WDR47: variants seen among roughly 807,000 people sequenced by gnomAD.
WDR47 encodes WD repeat-containing protein 47.
WDR47 carries 32 observed loss-of-function variants against 97.2 expected under a neutral mutation model. The ratio of observed to expected loss-of-function variants is 0.33; its 90% CI spans 0.25 to 0.44. The LOEUF (loss-of-function observed/expected upper bound fraction) is 0.44. Ranked by LOEUF, WDR47 falls within the 20% of genes least tolerant of loss-of-function variation. The pLI is 1.00. For synonymous variants in WDR47, 375 were observed against 373.5 expected, an observed-to-expected ratio of 1.00 and a Z score of -0.05; for missense variants, 782 against 1,102.3, an observed-to-expected ratio of 0.71 and a Z score of 4.11.
At chr1:108,991,794 C>G (rs1476284124) in intron 8 of WDR47, among the ~76,000 whole-genome samples, 1 of 151,962 alleles carries the variant, frequency 6.6e-6, no homozygotes, top group African/African-American at 2.4e-5. Flanking sequence ...CATATGTAGC[C>G]CTTCCTTCCA....
At chr1:108,973,388 C>T (rs929560065) in intron 14 of WDR47, among the ~76,000 whole-genome samples, 7 of 152,248 alleles carry the variant, frequency 4.6e-5, no homozygotes, top group Admixed American at 2.6e-4. Flanking sequence ...TATTGGTTTA[C>T]TTTTTATTGA....
In WDR47 at chr1:109,011,300, T is replaced by C. The variant is rs1661022735; in HGVS notation, c.746A>G (p.Gln249Arg). The change falls in exon 5 of 15, where the codon CAG (glutamine) becomes CGG (arginine). Residue 249 changes from glutamine to arginine, a missense_variant. Around this residue, in one of 3 missense-constraint regions of WDR47, gnomAD observed 428 missense variants for 584.3 expected, o/e 0.73. Transcript: ENST00000369962. ...DLDLSLLSWL[Q>R]NLPSSVFSCA... ...AGAGAAGACAGAAGATGGAAGATTC[T>C]GAAGCCATGACAGTAAACTCAGATC... The C allele has an allele frequency of 6.2e-7, 1 of 1,614,096 alleles. No individual in the cohort carries two copies. Among genetic ancestry groups the C allele is most frequent in the Admixed American group, 1.7e-5 (1 of 60,000 alleles).
intron 1 of WDR47, among the ~76,000 whole-genome samples, chr1:109,037,643 A>C (rs934034244): frequency 4.0e-5 from 6 of 151,702 alleles, no homozygotes; most frequent in Admixed American, 3.9e-4. Flanking sequence ...AAAAAAAAAA[A>C]AAACCAACCC....
intron 10 of WDR47, among the ~76,000 whole-genome samples, chr1:108,984,423 A>C (rs991392559): frequency 1.3e-5 from 2 of 152,228 alleles, no homozygotes; most frequent in Non-Finnish European, 2.9e-5. Flanking sequence ...ACTTTAGCAA[A>C]TGAACAAAAA....
At chr1:108,977,271 C>A (rs1657982856) in intron 13 of WDR47, among the ~76,000 whole-genome samples, 4 of 152,140 alleles carry the variant, frequency 2.6e-5, no homozygotes, top group African/African-American at 9.7e-5. Context: ...CCTGCCTCAG[C>A]CTCCCCAGTA....
chr1:108,970,361 TAAATA>T lies in WDR47; in HGVS notation c.*1064_*1068del, dbSNP rs901719298. ...AGAACTAATACAACTGCATTTGAAATAAATAAAATAGCCTATTTAAATAATTTAAA... is the reference window on the plus strand; with the variant it reads ...AGAACTAATACAACTGCATTTGAAATAAATAGCCTATTTAAATAATTTAAA... On this transcript the variant is annotated 3_prime_UTR_variant, in exon 15 of 15. Transcript: ENST00000369962. 3.9e-5 allele frequency: 6 copies of T among 152,494 alleles called. No homozygotes were observed. The highest frequency in any genetic ancestry group is 1.5e-4 in the African/African-American group (6 of 41,370). The allele number at this position is 152,494 out of a possible 1,614,324, so 9.4% of individuals were successfully genotyped here. A position where few individuals can be genotyped will look rare whatever the true frequency, so the allele number is the denominator to read the frequency against.
In WDR47 at chr1:109,029,458, G is replaced by A. The variant is rs571413249; in HGVS notation, c.-9-5937C>T. 2.4e-3 allele frequency among the ~76,000 whole-genome samples: 360 copies of A among 151,996 alleles called. 1 individual carries two copies. The highest frequency in any genetic ancestry group is 4.5e-3 in the Non-Finnish European group (304 of 67,974). On this transcript the variant is annotated intron_variant, in intron 1 of 14. Coordinates refer to ENST00000369962, the MANE Select transcript of WDR47 (RefSeq NM_001142551.2). ...GTGGATAACCTGAGGTCAGGAGTTCGAAACCAGCCTGGCCAACATGATAAA... is the reference window on the plus strand; with the variant it reads ...GTGGATAACCTGAGGTCAGGAGTTCAAAACCAGCCTGGCCAACATGATAAA...
intron 5 of WDR47, among the ~76,000 whole-genome samples, chr1:109,005,709 C>A (rs1272966660): frequency 6.6e-6 from 1 of 151,268 alleles, no homozygotes; most frequent in African/African-American, 2.4e-5. Context: ...CTGTCTCTAC[C>A]AAAAACACAA....
chr1:108,982,967 T>C (rs1293855470), intron 11 of WDR47, among the ~76,000 whole-genome samples, 188 bp from the exon 12 acceptor site: 2 of 152,208 alleles, frequency 1.3e-5, no homozygotes, highest in African/African-American at 2.4e-5. Context: ...AAATAGCTGT[T>C]ACCACAGGGT....
In WDR47 at chr1:109,018,121, C is replaced by T. The variant is rs114762476; in HGVS notation, c.159-520G>A. ...ATTTGTGAATCTGCAACCACTCATA[C>T]TAACTATATATATGTGGGTTTTGAC... is the stretch of plus-strand genomic sequence containing the variant. On this transcript the variant is annotated intron_variant, in intron 2 of 14. Coordinates refer to ENST00000369962, the MANE Select transcript of WDR47 (RefSeq NM_001142551.2). Among the ~76,000 whole-genome samples the T allele has an allele frequency of 9.1e-3, 1,389 of 152,174 alleles. 28 individuals carry two copies. The highest frequency in any genetic ancestry group is 0.032 in the African/African-American group (1,333 of 41,528).
At chr1:108,996,631 CTCAT>C (rs1432330069) in intron 7 of WDR47, among the ~76,000 whole-genome samples, 3 of 152,174 alleles carry the variant, frequency 2.0e-5, no homozygotes, top group African/African-American at 7.2e-5. Context: ...TACTTATTCA[CTCAT>C]TAATTCATTC....
intron 5 of WDR47, 50 bp downstream of exon 5, chr1:109,010,866 G>A (rs369362260): frequency 3.2e-6 from 5 of 1,544,032 alleles, no homozygotes; most frequent in Non-Finnish European, 4.4e-6. Flanking sequence ...ACAGGCATAA[G>A]CCACTGCACC....
intron 9 of WDR47, among the ~76,000 whole-genome samples, chr1:108,988,989 C>T (rs1659095005): frequency 6.6e-6 from 1 of 152,128 alleles, no homozygotes; most frequent in Non-Finnish European, 1.5e-5. Context: ...AACCCCTGAG[C>T]TCAAGTGATC....
rs185108836 is a variant in WDR47 at position 109,001,181 on chromosome 1, C to T, written c.1433+1043G>A. Among the ~76,000 whole-genome samples, 712 of 151,982 alleles carry T rather than the reference C, an allele frequency of 4.7e-3. 5 individuals are homozygous for T. Among genetic ancestry groups the T allele is most frequent in the South Asian group, 0.021 (102 of 4,808 alleles). On this transcript the variant is annotated intron_variant, in intron 7 of 14. Transcript: ENST00000369962. ...GCACACGCCTATAATCCCAGCTACT[C>T]GGGAAGCTGAGGCAGGAGAATTGCT...
intron 3 of WDR47, among the ~76,000 whole-genome samples, chr1:109,016,296 A>G (rs1661411982): frequency 6.6e-6 from 1 of 152,122 alleles, no homozygotes; most frequent in Non-Finnish European, 1.5e-5. Flanking sequence ...CCAGCCACAC[A>G]GGAGTCTGAA....
chr1:108,999,088 A>AT (rs1358998418), intron 7 of WDR47, among the ~76,000 whole-genome samples: 4 of 152,182 alleles, frequency 2.6e-5, no homozygotes, highest in Middle Eastern at 3.4e-3. Flanking sequence ...TTAGCTGGGC[A>AT]TAAGTGGCAG....
chr1:109,038,936 G>A (rs1007989614), intron 1 of WDR47, among the ~76,000 whole-genome samples: 3 of 152,020 alleles, frequency 2.0e-5, no homozygotes, highest in Admixed American at 1.3e-4. Flanking sequence ...CCGAGATCAC[G>A]CCACTGCACT....
At chr1:108,976,606 G>GT (rs1309246297) in intron 13 of WDR47, among the ~76,000 whole-genome samples, 1 of 152,104 alleles carries the variant, frequency 6.6e-6, no homozygotes, top group Non-Finnish European at 1.5e-5. Flanking sequence ...ATTGGAGGAG[G>GT]TAAGCACTAA....
intron 3 of WDR47, among the ~76,000 whole-genome samples, chr1:109,014,491 G>A (rs1394078621): frequency 6.6e-6 from 1 of 151,464 alleles, no homozygotes; most frequent in South Asian, 2.1e-4. Context: ...CTGGAGTACA[G>A]TGGCATGATC....
Sources: allele counts gnomAD v4.1 joint callset (sites outside exome capture counted in the v4.1 genomes callset), GRCh38; gene constraint gnomAD v4.1.1; regional missense constraint gnomAD v4.1.1; transcripts MANE v1.5; gene names NCBI Gene and HGNC (gene_info 2026-07-23, HGNC 2026-07-21).